SLC35F1: variants seen among roughly 807,000 people sequenced by gnomAD.
SLC35F1 encodes chromosome 6 open reading frame 169.
SLC35F1 carries 14 observed loss-of-function variants against 48.7 expected under a neutral mutation model. That is an observed-to-expected ratio of 0.29 (90% confidence interval 0.19 to 0.45). The LOEUF (loss-of-function observed/expected upper bound fraction) is 0.45, where lower values mean the gene tolerates loss of function less well. SLC35F1 is among the 20% of genes least tolerant of loss of function. The pLI is 1.00. For missense variants in SLC35F1, 404 were observed against 500.0 expected (o/e 0.81, Z 1.83); for synonymous variants, 190 against 202.2 (o/e 0.94, Z 0.51).
intron 3 of SLC35F1, among the ~76,000 whole-genome samples, chr6:118,252,569 T>C (rs1340443095): frequency 2.0e-5 from 3 of 152,066 alleles, no homozygotes; most frequent in African/African-American, 7.2e-5. Flanking sequence ...CAGAGCTTGG[T>C]ATAGGTGGCT....
At chr6:118,015,373 A>G (rs564006264) in intron 1 of SLC35F1, among the ~76,000 whole-genome samples, 3 of 152,050 alleles carry the variant, frequency 2.0e-5, no homozygotes, top group African/African-American at 4.8e-5. Context: ...GGTTTGTGGT[A>G]CAGATTATTT....
chr6:118,303,277 G>A (rs894779425), intron 7 of SLC35F1, among the ~76,000 whole-genome samples: 1 of 152,162 alleles, frequency 6.6e-6, no homozygotes, highest in African/African-American at 2.4e-5. Flanking sequence ...ATCCATTAAG[G>A]GTGTTCCAAC....
At chr6:118,044,173 A>T (rs1407074579) in intron 1 of SLC35F1, among the ~76,000 whole-genome samples, 3 of 152,178 alleles carry the variant, frequency 2.0e-5, no homozygotes, top group African/African-American at 7.2e-5. Flanking sequence ...TTTAGTCTAC[A>T]TACTTCTGGA....
At chr6:118,135,514 C>G (rs143760443) in intron 1 of SLC35F1, among the ~76,000 whole-genome samples, 24 of 152,338 alleles carry the variant, frequency 1.6e-4, no homozygotes, top group Non-Finnish European at 3.4e-4. Context: ...TACCAGCCAT[C>G]TGTGCTGACT....
chr6:118,186,373 C>A (rs761408723), intron 2 of SLC35F1, among the ~76,000 whole-genome samples: 8 of 151,780 alleles, frequency 5.3e-5, no homozygotes, highest in Non-Finnish European at 1.0e-4. Flanking sequence ...CCCCCACACC[C>A]TTACTTAAAT....
chr6:118,310,108 A>G (rs528194552), intron 7 of SLC35F1, among the ~76,000 whole-genome samples: 1 of 152,310 alleles, frequency 6.6e-6, no homozygotes, highest in South Asian at 2.1e-4. Context: ...TGCAGGAAAA[A>G]CTATGTCTGC....
chr6:118,163,137 A>AT (rs1774263854), intron 2 of SLC35F1, among the ~76,000 whole-genome samples: 1 of 151,148 alleles, frequency 6.6e-6, no homozygotes, highest in South Asian at 2.1e-4. Flanking sequence ...TAATTTTTGT[A>AT]TTTTTTAGTG....
At chr6:118,193,631 C>A (rs931010766) in intron 2 of SLC35F1, among the ~76,000 whole-genome samples, 1 of 152,136 alleles carries the variant, frequency 6.6e-6, no homozygotes, top group Admixed American at 6.5e-5. Flanking sequence ...GTCTCCATTA[C>A]ATATGATAAT....
chr6:118,147,048 C>T (rs538971040), intron 1 of SLC35F1, among the ~76,000 whole-genome samples: 6 of 152,162 alleles, frequency 3.9e-5, no homozygotes, highest in Non-Finnish European at 7.4e-5. Context: ...GGCATACAAT[C>T]GCAAGGAGCA....
At chr6:118,150,895 C>T (rs1774046576) in intron 1 of SLC35F1, among the ~76,000 whole-genome samples, 3 of 152,100 alleles carry the variant, frequency 2.0e-5, no homozygotes, top group Admixed American at 2.0e-4. Flanking sequence ...TCACCATTTC[C>T]TTTTCACTTA....
chr6:118,194,669 T>C (rs1345539228), intron 2 of SLC35F1, among the ~76,000 whole-genome samples: 1 of 152,196 alleles, frequency 6.6e-6, no homozygotes, highest in African/African-American at 2.4e-5. Context: ...CTCAGAATCC[T>C]TTTTCACATT....
intron 1 of SLC35F1, among the ~76,000 whole-genome samples, chr6:118,054,149 T>C (rs181545788): frequency 2.0e-3 from 312 of 152,336 alleles, no homozygotes; most frequent in Non-Finnish European, 3.7e-3. Context: ...TTAATTCATT[T>C]ATCTTTTGGA....
At chr6:118,215,168 T>G (rs901652812) in intron 2 of SLC35F1, among the ~76,000 whole-genome samples, 4 of 152,130 alleles carry the variant, frequency 2.6e-5, no homozygotes, top group African/African-American at 9.7e-5. Context: ...AAAAAAAATC[T>G]GTCAACTACA....
At chr6:117,960,298 G>A (rs1776481894) in intron 1 of SLC35F1, among the ~76,000 whole-genome samples, 2 of 150,544 alleles carry the variant, frequency 1.3e-5, no homozygotes, top group South Asian at 4.2e-4. Flanking sequence ...CAGTTTGTAA[G>A]GCACTGTGTT....
chr6:118,154,549 C>A lies in SLC35F1; in HGVS notation c.278C>A (p.Pro93Gln). The change falls in exon 2 of 8, where the codon CCA becomes CAA. Residue 93 changes from proline to glutamine, a missense_variant. Coordinates refer to ENST00000360388, the MANE Select transcript of SLC35F1 (RefSeq NM_001029858.4). ...YLSEDFHANT[P>Q]VFQSFLNYIL... ...TCAGAAGATTTCCACGCCAACACAC[C>A]AGTCTTCCAGAGTTTCCTCAATTAC... 2.5e-6 allele frequency: 4 copies of A among 1,614,038 alleles called. No individual in the cohort carries two copies. Among genetic ancestry groups the A allele is most frequent in the Non-Finnish European group, 3.4e-6 (4 of 1,179,964 alleles).
intron 3 of SLC35F1, among the ~76,000 whole-genome samples, chr6:118,249,981 G>A (rs1200988646): frequency 6.6e-6 from 1 of 152,132 alleles, no homozygotes; most frequent in Non-Finnish European, 1.5e-5. Flanking sequence ...TCAATAAGTA[G>A]ATTTATACAG....
rs140237222 is a variant in SLC35F1, at chr6:118,174,919, A to G, written c.349+20299A>G. On this transcript the variant is annotated intron_variant, in intron 2 of 7. Coordinates refer to ENST00000360388, the MANE Select transcript of SLC35F1 (RefSeq NM_001029858.4). Reference sequence around the variant, plus strand: ...AAAAAAAAAACAACCCTGTCATCATATAAGTCTGTAAACCATAAAAGTACT... The same window carrying G: ...AAAAAAAAAACAACCCTGTCATCATGTAAGTCTGTAAACCATAAAAGTACT... 3.8e-4 allele frequency among the ~76,000 whole-genome samples: 58 copies of G among 152,244 alleles called. No homozygotes were observed. In the East Asian group the frequency reaches 0.01, roughly 27 times the overall value.
chr6:118,134,869 C>G (rs939099618), intron 1 of SLC35F1, among the ~76,000 whole-genome samples: 1 of 152,180 alleles, frequency 6.6e-6, no homozygotes, highest in African/African-American at 2.4e-5. Flanking sequence ...GCTGCCTCCT[C>G]CTCCCCTTCC....
At chr6:117,999,116 A>G in intron 1 of SLC35F1, 2 of 1,583,158 alleles carry the variant, frequency 1.3e-6, no homozygotes, top group Non-Finnish European at 8.6e-7. Context: ...CTTTGCCAAG[A>G]AGCACAACAA....
Sources: allele counts gnomAD v4.1 joint callset (sites outside exome capture counted in the v4.1 genomes callset), GRCh38; gene constraint gnomAD v4.1.1; transcripts MANE v1.5; gene names NCBI Gene and HGNC (gene_info 2026-07-23, HGNC 2026-07-21).